IDH1: variants seen among roughly 807,000 people sequenced by gnomAD.
IDH1 encodes the protein isocitrate dehydrogenase [NADP] cytoplasmic.
Under a neutral mutation model 46.1 loss-of-function variants are expected in IDH1, and 33 were observed. The ratio of observed to expected loss-of-function variants is 0.72; its 90% CI spans 0.54 to 0.96. The LOEUF is 0.96. IDH1 is among the 40% of genes least tolerant of loss of function. The pLI is 0.00. For synonymous variants in IDH1, 144 were observed against 172.8 expected (o/e 0.83, Z 1.31); for missense variants, 421 against 515.7 (o/e 0.82, Z 1.78).
At chr2:208,242,192 T>A (rs1053700300) in intron 6 of IDH1, 47 bp from the exon 7 acceptor site, 2 of 1,559,516 alleles carry the variant, frequency 1.3e-6, no homozygotes, top group Non-Finnish European at 1.8e-6. Flanking sequence ...AAAATTGATT[T>A]TGTTAGGGAT....
chr2:208,251,666 A>G (rs1688127899), intron 2 of IDH1, 99 bp from the exon 3 acceptor site: 1 of 915,856 alleles, frequency 1.1e-6, no homozygotes, highest in Non-Finnish European at 1.7e-6. Context: ...AGTGACTACT[A>G]AAAGAACAAT....
At chr2:208,243,686 A>G in intron 5 of IDH1, 82 bp from the exon 6 acceptor site, 1 of 1,098,034 alleles carries the variant, frequency 9.1e-7, no homozygotes, top group Non-Finnish European at 1.4e-6. Flanking sequence ...ATCACCCACC[A>G]CAACCAAATG....
At chr2:208,241,274 G>A (rs1020396093) in intron 7 of IDH1, among the ~76,000 whole-genome samples, 1 of 152,146 alleles carries the variant, frequency 6.6e-6, no homozygotes, top group Admixed American at 6.5e-5. Flanking sequence ...GCCCAGGCTG[G>A]AGTATAGTGG....
intron 9 of IDH1, 137 bp from the exon 10 acceptor site, chr2:208,237,306 C>CA (rs1687829196): frequency 1.5e-6 from 1 of 680,454 alleles, no homozygotes; most frequent in Non-Finnish European, 2.7e-6. Context: ...TAGTAAGCTA[C>CA]AAAATCTATA....
chr2:208,248,475 A>G lies in IDH1; in HGVS notation c.308T>C (p.Leu103Pro). Residue 103 changes from leucine to proline, a missense_variant, in exon 4 of 10, where the codon CTG (leucine) becomes CCG (proline). Coordinates refer to ENST00000345146, the MANE Select transcript of IDH1 (RefSeq NM_005896.4). The stretch of plus-strand genomic sequence containing the variant: ...GGCTTCTCTGAAGACCGTGCCACCC[A>G]GAATATTTCGTATGGTGCCATTTGG... Reference protein sequence around the residue: ...KSPNGTIRNILGGTVFREAII... With the variant: ...KSPNGTIRNIPGGTVFREAII... 6.2e-7 allele frequency: 1 copy of G among 1,614,170 alleles called. No homozygotes were observed. Among genetic ancestry groups the G allele is most frequent in the Non-Finnish European group, 8.5e-7 (1 of 1,179,996 alleles).
chr2:208,243,404 A>C (rs781228441), intron 6 of IDH1, 23 bp downstream of exon 6: 1 of 1,566,104 alleles, frequency 6.4e-7, no homozygotes. Flanking sequence ...ATAAAGAAAA[A>C]GTTAAAAAAG....
chr2:208,237,080 T>A lies in IDH1; in HGVS notation c.1244A>T (p.Ter415LeuextTer4). ...ATCCTTCTTAGCTCAGGTATGAACT[T>A]AAAGTTTGGCCTGAGCTAGTTTGAT... ...LKIKLAQAKL[*>L] Residue 415 changes from the stop codon to leucine, a stop_lost, in exon 10 of 10, where the codon TAA (stop) becomes TTA (leucine). Coordinates refer to ENST00000345146, the MANE Select transcript of IDH1 (RefSeq NM_005896.4). 1 of 1,557,690 alleles carries A rather than the reference T, an allele frequency of 6.4e-7. No individual in the cohort carries two copies. Among genetic ancestry groups the A allele is most frequent in the Non-Finnish European group, 8.8e-7 (1 of 1,130,042 alleles).
intron 8 of IDH1, 91 bp downstream of exon 8, chr2:208,239,772 T>C: frequency 8.0e-7 from 1 of 1,249,744 alleles, no homozygotes; most frequent in Non-Finnish European, 1.2e-6. Flanking sequence ...GTGATGACTT[T>C]GCACACAAAA....
intron 4 of IDH1, among the ~76,000 whole-genome samples, chr2:208,246,635 T>A (rs1194318706): frequency 1.2e-4 from 17 of 136,380 alleles, no homozygotes; most frequent in East Asian, 2.1e-4. Context: ...CCAAAATAAT[T>A]AAAAAAAAAA....
intron 6 of IDH1, 27 bp from the exon 7 acceptor site, chr2:208,242,172 A>C (rs1364080540): frequency 1.9e-6 from 3 of 1,608,334 alleles, no homozygotes; most frequent in Non-Finnish European, 2.6e-6. Context: ...AAAAGAGAAT[A>C]ATAATAAAGA....
chr2:208,246,926 G>C (rs1309513915), intron 4 of IDH1, among the ~76,000 whole-genome samples: 2 of 152,198 alleles, frequency 1.3e-5, no homozygotes, highest in Non-Finnish European at 2.9e-5. Context: ...CTGGGCGACA[G>C]AGCGAGACTC....
rs1188545899 is a variant in IDH1, at chr2:208,246,633, A to AT, written c.415-1210dup. Among the ~76,000 whole-genome samples the AT allele has an allele frequency of 3.4e-4, 14 of 41,506 alleles. 1 individual carries two copies. Among genetic ancestry groups the AT allele is most frequent in the Admixed American group, 1.6e-3 (4 of 2,450 alleles). The allele number at this position is 41,506 out of a possible 152,430, so 27.2% of individuals were successfully genotyped here. A position where few individuals can be genotyped will look rare whatever the true frequency, so the allele number is the denominator to read the frequency against. ...TTTACAAATGACTGATGCCAAAATA[A>AT]TTAAAAAAAAAAAAAAAAAGAGGAA... On this transcript the variant is annotated intron_variant, in intron 4 of 9. Transcript: ENST00000345146.
chr2:208,242,725 C>T (rs1687942472), intron 6 of IDH1, among the ~76,000 whole-genome samples: 1 of 151,994 alleles, frequency 6.6e-6, no homozygotes, highest in Non-Finnish European at 1.5e-5. Context: ...GTTCAAATGA[C>T]TCCACTAAAA....
At chr2:208,247,352 A>C (rs1349918608) in intron 4 of IDH1, 13 of 152,254 alleles carry the variant, frequency 8.5e-5, no homozygotes, top group Admixed American at 8.5e-4. Flanking sequence ...CAACAAGTGT[A>C]CTGGTACAGA....
In IDH1 at chr2:208,236,241, C is replaced by T. The variant is rs1199543499; in HGVS notation, c.*838G>A. ...AAACGCAGAAGAATGGTAATTAGCA[C>T]TTAATTTTAATTAAAATCAACAGTT... On this transcript the variant is annotated 3_prime_UTR_variant, in exon 10 of 10. Transcript: ENST00000345146. 4.8e-6 allele frequency: 1 copy of T among 207,770 alleles called. No individual in the cohort carries two copies. The allele number at this position is 207,770 out of a possible 1,614,324, so 12.9% of individuals were successfully genotyped here.
chr2:208,254,758 C>T lies in IDH1; in HGVS notation c.-91+181G>A, dbSNP rs148973647. 1.3e-3 allele frequency among the ~76,000 whole-genome samples: 196 copies of T among 152,298 alleles called. 1 individual carries two copies. The highest frequency in any genetic ancestry group is 7.0e-3 in the South Asian group (34 of 4,826). ...ATATCCAAGCATCCAGCATCCCCTC[C>T]TTCCCTTTTCTTTTCCCATTCTCAA... On this transcript the variant is annotated intron_variant, in intron 1 of 9. Coordinates refer to ENST00000345146, the MANE Select transcript of IDH1 (RefSeq NM_005896.4).
chr2:208,251,706 T>TAA (rs993927884), intron 2 of IDH1, 139 bp from the exon 3 acceptor site: 1 of 673,408 alleles, frequency 1.5e-6, no homozygotes, highest in African/African-American at 1.8e-5. Context: ...TGTAGTTGAA[T>TAA]AAAAAGCTAG....
In IDH1 at chr2:208,248,445, A is replaced by G. The variant is rs772485166; in HGVS notation, c.338T>C (p.Ile113Thr). Residue 113 changes from isoleucine (I) to threonine (T), a missense_variant, in exon 4 of 10, where the codon ATC becomes ACC. Transcript: ENST00000345146. ...CACAAGCCGGGGGATATTTTTGCAG[A>G]TAATGGCTTCTCTGAAGACCGTGCC... Reference protein sequence around the residue: ...LGGTVFREAIICKNIPRLVSG... With the variant: ...LGGTVFREAITCKNIPRLVSG... 3 of 1,614,198 alleles carry G rather than the reference A, an allele frequency of 1.9e-6. No homozygotes were observed. Among genetic ancestry groups the G allele is most frequent in the Admixed American group, 1.7e-5 (1 of 60,028 alleles).
At chr2:208,251,664 C>T in intron 2 of IDH1, 97 bp from the exon 3 acceptor site, 1 of 931,906 alleles carries the variant, frequency 1.1e-6, no homozygotes, top group South Asian at 1.5e-5. Context: ...GTAGTGACTA[C>T]TAAAAGAACA....
Sources: gnomAD v4.1 joint callset for allele counts (sites outside exome capture counted in the v4.1 genomes callset) on GRCh38, gnomAD v4.1.1 for gene constraint, MANE v1.5 for transcripts, NCBI Gene and HGNC (gene_info 2026-07-23, HGNC 2026-07-21) for gene names.